The following DMTF1 variants were observed in gnomAD, a reference collection of about 807,000 sequenced individuals.
DMTF1 encodes cyclin-D-binding Myb-like transcription factor 1.
DMTF1 carries 39 observed loss-of-function variants against 91.1 expected under a neutral mutation model. The ratio of observed to expected loss-of-function variants is 0.43; its 90% CI spans 0.33 to 0.56. The LOEUF (loss-of-function observed/expected upper bound fraction) is 0.56. Ranked by LOEUF, DMTF1 falls within the 20% of genes least tolerant of loss-of-function variation. DMTF1 has a pLI of 0.05. For synonymous variants in DMTF1, 338 were observed against 309.5 expected, an observed-to-expected ratio of 1.09 and a Z score of -0.97; for missense variants, 750 against 914.5, an observed-to-expected ratio of 0.82 and a Z score of 2.32.
intron 1 of DMTF1, among the ~76,000 whole-genome samples, chr7:87,157,337 A>G (rs1791022117): frequency 6.6e-6 from 1 of 152,132 alleles, no homozygotes; most frequent in Non-Finnish European, 1.5e-5. Flanking sequence ...TTAGAATCAC[A>G]GCTCCAAGCC....
chr7:87,193,396 A>G, intron 15 of DMTF1, 43 bp downstream of exon 15: 10 of 1,604,554 alleles, frequency 6.2e-6, no homozygotes, highest in Non-Finnish European at 8.5e-6. Context: ...CCTGTTATAG[A>G]CCAGGATTAG....
intron 1 of DMTF1, among the ~76,000 whole-genome samples, chr7:87,161,193 C>T (rs947741226): frequency 6.6e-6 from 1 of 152,002 alleles, no homozygotes; most frequent in Non-Finnish European, 1.5e-5. Flanking sequence ...AAAGGTGAGT[C>T]AAGAACATAT....
At chr7:87,189,984 T>C (rs1362716420) in intron 13 of DMTF1, among the ~76,000 whole-genome samples, 1 of 152,114 alleles carries the variant, frequency 6.6e-6, no homozygotes. Flanking sequence ...TCCTTTTAAA[T>C]AGCTGAGAAG....
At chr7:87,152,815 G>A (rs1451901812) in intron 1 of DMTF1, 1 of 154,922 alleles carries the variant, frequency 6.5e-6, no homozygotes, top group Non-Finnish European at 1.5e-5. Flanking sequence ...CGGCTGCCGA[G>A]GCACAGCGGC....
In DMTF1 at chr7:87,194,116, T is replaced by A; in HGVS notation, c.2028+14T>A. 1 of 1,544,760 alleles carries A rather than the reference T, an allele frequency of 6.5e-7. No homozygotes were observed. The highest frequency in any genetic ancestry group is 8.7e-7 in the Non-Finnish European group (1 of 1,148,390). On this transcript the variant is annotated intron_variant, in intron 16 of 17. Coordinates refer to ENST00000331242, the MANE Select transcript of DMTF1 (RefSeq NM_001142327.2). ...TATGTTACTGAGGTAAGTTGTACTT[T>A]AAGAACAACTGAATGGATTCTTGCC...
At chr7:87,163,235 T>C (rs79444538) in intron 1 of DMTF1, 4 of 150,492 alleles carry the variant, frequency 2.7e-5, no homozygotes, top group Admixed American at 6.6e-5. Context: ...TTTTTTTTTT[T>C]CAGAGAACGT....
chr7:87,188,489 G>A (rs1798975091), intron 13 of DMTF1, among the ~76,000 whole-genome samples, 188 bp downstream of exon 13: 1 of 152,214 alleles, frequency 6.6e-6, no homozygotes, highest in Admixed American at 6.5e-5. Flanking sequence ...CAGGAAGGAT[G>A]TATAAGCAGT....
chr7:87,183,779 T>C (rs1797859371), intron 10 of DMTF1, among the ~76,000 whole-genome samples: 1 of 152,144 alleles, frequency 6.6e-6, no homozygotes, highest in Non-Finnish European at 1.5e-5. Context: ...ACATTTGGGG[T>C]TATCTATTAG....
intron 15 of DMTF1, 67 bp from the exon 16 acceptor site, chr7:87,193,658 G>C: frequency 7.3e-7 from 1 of 1,363,126 alleles, no homozygotes; most frequent in Non-Finnish European, 1.0e-6. Context: ...TGTGGGGGGA[G>C]ACAGTGAGGT....
chr7:87,171,931 A>T (rs1386793451), intron 5 of DMTF1, among the ~76,000 whole-genome samples: 1 of 152,208 alleles, frequency 6.6e-6, no homozygotes, highest in Admixed American at 6.5e-5. Context: ...TTTGAGCCCT[A>T]AGGCATTAAA....
At chr7:87,165,101 C>G in intron 3 of DMTF1, 51 bp downstream of exon 3, 1 of 1,414,082 alleles carries the variant, frequency 7.1e-7, no homozygotes, top group Middle Eastern at 1.8e-4. Context: ...TTATGAATTC[C>G]ATGTCACTTT....
intron 15 of DMTF1, 181 bp from the exon 16 acceptor site, chr7:87,193,544 T>C: frequency 8.8e-6 from 7 of 792,674 alleles, no homozygotes; most frequent in Admixed American, 2.9e-5. Flanking sequence ...AAGATGGCTA[T>C]ACATTAGAAT....
intron 1 of DMTF1, among the ~76,000 whole-genome samples, chr7:87,153,630 CTT>C (rs1282503012): frequency 6.6e-6 from 1 of 152,120 alleles, no homozygotes; most frequent in East Asian, 1.9e-4. Flanking sequence ...TTGTGTACCT[CTT>C]TTTAATGTAC....
chr7:87,171,225 A>G, intron 5 of DMTF1, 136 bp downstream of exon 5: 1 of 497,776 alleles, frequency 2.0e-6, no homozygotes, highest in East Asian at 3.4e-5. Context: ...TTTAGCCCTT[A>G]TTATGAAACA....
At chr7:87,166,257 T>C (rs1003827821) in intron 3 of DMTF1, among the ~76,000 whole-genome samples, 1 of 152,332 alleles carries the variant, frequency 6.6e-6, no homozygotes, top group East Asian at 1.9e-4. Flanking sequence ...CGGGCTTCCC[T>C]TCTCTTTCAA....
intron 10 of DMTF1, among the ~76,000 whole-genome samples, chr7:87,182,624 GT>G (rs1178725251): frequency 6.6e-6 from 1 of 152,178 alleles, no homozygotes; most frequent in Non-Finnish European, 1.5e-5. Flanking sequence ...TACTTCCCCA[GT>G]TGAGAAAGTA....
chr7:87,188,194 C>G lies in DMTF1; in HGVS notation c.1304C>G (p.Ser435Cys), dbSNP rs1217759847. ...GSGVPNSNTN[S>C]SVQHVQIRVA... ...GGAGTTCCAAACAGTAATACCAATT[C>G]CAGTGTGCAGCATGTTCAGATAAGA... The change falls in exon 13 of 18, where the codon TCC (serine) becomes TGC (cysteine). Residue 435 changes from serine to cysteine, a missense_variant. By Grantham distance (112) the Ser-to-Cys change is moderately radical. Around this residue, in one of 3 missense-constraint regions of DMTF1, gnomAD observed 410 missense variants for 420.2 expected, o/e 0.98. Coordinates refer to ENST00000331242, the MANE Select transcript of DMTF1 (RefSeq NM_001142327.2). 1.2e-6 allele frequency: 2 copies of G among 1,613,858 alleles called. No individual in the cohort carries two copies. The highest frequency in any genetic ancestry group is 1.3e-5 in the African/African-American group (1 of 74,900).
At chr7:87,184,909 G>A (rs1316795072) in intron 11 of DMTF1, 14 of 526,254 alleles carry the variant, frequency 2.7e-5, no homozygotes, top group African/African-American at 1.1e-4. Context: ...CACAGGCAGC[G>A]GCAGTGTAGC....
At chr7:87,175,061 C>T (rs1263545791) in intron 7 of DMTF1, among the ~76,000 whole-genome samples, 4 of 150,642 alleles carry the variant, frequency 2.7e-5, no homozygotes, top group Non-Finnish European at 5.9e-5. Context: ...CTCTGTTGCC[C>T]AGGCTGGAGT....
Sources: allele counts gnomAD v4.1 joint callset (sites outside exome capture counted in the v4.1 genomes callset), GRCh38; gene constraint gnomAD v4.1.1; regional missense constraint gnomAD v4.1.1; transcripts MANE v1.5; gene names NCBI Gene and HGNC (gene_info 2026-07-23, HGNC 2026-07-21).